The following CCDC138 variants were observed in gnomAD, a reference collection of about 807,000 sequenced individuals.
CCDC138 encodes coiled-coil domain containing 138.
A neutral mutation model predicts 82.3 loss-of-function variants in CCDC138; 66 were observed. The observed-to-expected ratio is 0.80, with a 90% CI of 0.66 to 0.98. The LOEUF is 0.98. CCDC138 is among the 50% of genes least tolerant of loss of function. CCDC138 has a pLI of 0.00. For synonymous variants in CCDC138, 297 were observed against 265.4 expected, an observed-to-expected ratio of 1.12 and a Z score of -1.16; for missense variants, 816 against 758.9, an observed-to-expected ratio of 1.08 and a Z score of -0.88.
intron 10 of CCDC138, among the ~76,000 whole-genome samples, chr2:108,828,547 A>G (rs1351835708): frequency 1.3e-5 from 2 of 152,250 alleles, no homozygotes; most frequent in Non-Finnish European, 2.9e-5. Flanking sequence ...ATAAGCCCTC[A>G]CATATAGTCC....
At position 108,804,976 on chromosome 2, in the gene CCDC138, T is replaced by C. The variant is rs779144736; in HGVS notation, c.823T>C (p.Leu275=). ...TKRLRSSFDA[L]KELNDTLKKQ... is the part of the protein sequence containing the mutation. Reference sequence around the variant, plus strand: ...GAGACTGAGGTCCTCTTTTGATGCATTGAAAGAATTGAATGATACCTTAAA... The same window carrying C: ...GAGACTGAGGTCCTCTTTTGATGCACTGAAAGAATTGAATGATACCTTAAA... Residue 275 remains leucine (L), a synonymous_variant, in exon 7 of 15, where the codon TTG becomes CTG. Transcript: ENST00000295124. 6.4e-7 allele frequency: 1 copy of C among 1,560,970 alleles called. No individual in the cohort carries two copies. Among genetic ancestry groups the C allele is most frequent in the Non-Finnish European group, 8.6e-7 (1 of 1,159,202 alleles).
intron 13 of CCDC138, among the ~76,000 whole-genome samples, chr2:108,857,955 G>T (rs373874574): frequency 1.3e-5 from 2 of 152,218 alleles, no homozygotes; most frequent in African/African-American, 4.8e-5. Context: ...CTGCTTGGGT[G>T]AAATAAATTG....
intron 12 of CCDC138, among the ~76,000 whole-genome samples, chr2:108,849,324 T>C (rs189481663): frequency 6.6e-6 from 1 of 152,320 alleles, no homozygotes; most frequent in Admixed American, 6.5e-5. Context: ...TTTTGAAATA[T>C]GGTGAAAACT....
intron 9 of CCDC138, among the ~76,000 whole-genome samples, chr2:108,813,464 A>G (rs1293929299): frequency 6.6e-6 from 1 of 152,182 alleles, no homozygotes; most frequent in Non-Finnish European, 1.5e-5. Flanking sequence ...ATATTTCAGC[A>G]GTGTTTCAGG....
intron 10 of CCDC138, 66 bp downstream of exon 10, chr2:108,816,171 C>A: frequency 1.6e-6 from 2 of 1,233,368 alleles, no homozygotes; most frequent in Non-Finnish European, 2.3e-6. Flanking sequence ...AAAGCCAGGG[C>A]CAGGCACAGT....
intron 13 of CCDC138, among the ~76,000 whole-genome samples, chr2:108,864,345 A>C (rs1172945792): frequency 1.3e-5 from 2 of 152,200 alleles, no homozygotes; most frequent in Non-Finnish European, 2.9e-5. Flanking sequence ...ATTTTTAACA[A>C]AATTGTATTT....
At chr2:108,869,283 A>C (rs535609300) in intron 13 of CCDC138, among the ~76,000 whole-genome samples, 27 of 152,304 alleles carry the variant, frequency 1.8e-4, no homozygotes, top group African/African-American at 6.5e-4. Flanking sequence ...ACATTCTGTG[A>C]TAATTTTACT....
intron 10 of CCDC138, among the ~76,000 whole-genome samples, chr2:108,831,041 G>A (rs1167692286): frequency 6.6e-5 from 10 of 152,010 alleles, no homozygotes; most frequent in Admixed American, 2.0e-4. Context: ...CAGGCATGGT[G>A]GTGCATAACT....
At chr2:108,874,508 C>T (rs536578608) in intron 14 of CCDC138, among the ~76,000 whole-genome samples, 2 of 152,134 alleles carry the variant, frequency 1.3e-5, no homozygotes, top group Admixed American at 1.3e-4. Context: ...ATAACAGTAA[C>T]ATTTTTATTT....
intron 9 of CCDC138, among the ~76,000 whole-genome samples, chr2:108,814,476 A>G (rs1315433442): frequency 3.9e-5 from 6 of 152,086 alleles, no homozygotes; most frequent in Admixed American, 2.0e-4. Context: ...GTTAGTTTCT[A>G]TTTGAAAAAA....
chr2:108,839,044 T>C (rs1371562636), intron 10 of CCDC138, 141 bp from the exon 11 acceptor site: 2 of 876,722 alleles, frequency 2.3e-6, no homozygotes, highest in Non-Finnish European at 3.3e-6. Flanking sequence ...TTGCATATAG[T>C]TTTAAAGTGA....
rs1348085169 is a variant in CCDC138 at position 108,843,878 on chromosome 2, G to C, written c.1324-2860G>C. 9.3e-4 allele frequency among the ~76,000 whole-genome samples: 41 copies of C among 44,206 alleles called. 12 individuals carry two copies. Among genetic ancestry groups the C allele is most frequent in the East Asian group, 2.1e-3 (2 of 938 alleles). 29.0% of individuals were successfully genotyped at this position (44,206 alleles called of 152,430 possible). A position where few individuals can be genotyped will look rare whatever the true frequency, so the allele number is the denominator to read the frequency against. On this transcript the variant is annotated intron_variant, in intron 11 of 14. Coordinates refer to ENST00000295124, the MANE Select transcript of CCDC138 (RefSeq NM_144978.3). ...TGTGTGTGTGTGTGTGTGTGTGTGT[G>C]TTTCTTTCTTTTTTTTTTTTTTTTT...
rs560937239 is a variant in CCDC138 at position 108,829,312 on chromosome 2, A to G, written c.1207-9873A>G. ...CAAAACCAAAAAGACCCTATTTTTA[A>G]AAAAGCAAGCAAAGAACCTAAATAG... On this transcript the variant is annotated intron_variant, in intron 10 of 14. Transcript: ENST00000295124. Among the ~76,000 whole-genome samples the G allele has an allele frequency of 4.6e-5, 7 of 152,344 alleles. No individual in the cohort carries two copies. In the South Asian group the frequency reaches 1.4e-3, roughly 32 times the overall value.
chr2:108,834,415 A>G (rs1040558415), intron 10 of CCDC138, among the ~76,000 whole-genome samples: 2 of 151,594 alleles, frequency 1.3e-5, no homozygotes, highest in African/African-American at 4.9e-5. Context: ...GGGTTTCACC[A>G]TGTTGGCCAG....
intron 11 of CCDC138, among the ~76,000 whole-genome samples, chr2:108,843,734 T>C (rs1365968503): frequency 6.7e-6 from 1 of 149,474 alleles, no homozygotes; most frequent in East Asian, 2.0e-4. Flanking sequence ...GTCTTGGTGT[T>C]GATCTCTTTA....
chr2:108,877,511 G>C (rs1162080154), downstream of CCDC138, among the ~76,000 whole-genome samples: 1 of 151,862 alleles, frequency 6.6e-6, no homozygotes, highest in Non-Finnish European at 1.5e-5. Context: ...AGAAGCCAAA[G>C]TGCACATTAG....
At chr2:108,823,470 A>G (rs193272151) in intron 10 of CCDC138, among the ~76,000 whole-genome samples, 2 of 152,332 alleles carry the variant, frequency 1.3e-5, no homozygotes, top group East Asian at 1.9e-4. Flanking sequence ...TTGTTAGGTG[A>G]CTTTTTGTGC....
intron 4 of CCDC138, 23 bp from the exon 5 acceptor site, chr2:108,794,517 T>A (rs756010546): frequency 6.3e-7 from 1 of 1,579,248 alleles, no homozygotes; most frequent in South Asian, 1.2e-5. Flanking sequence ...AAGTTTATAA[T>A]GCAAATGTTA....
intron 10 of CCDC138, among the ~76,000 whole-genome samples, chr2:108,833,797 G>A (rs1327745845): frequency 9.4e-5 from 14 of 148,814 alleles, no homozygotes; most frequent in East Asian, 5.9e-4. Context: ...GCGTGATCTC[G>A]GCTCACTGCA....
Sources: allele counts gnomAD v4.1 joint callset (sites outside exome capture counted in the v4.1 genomes callset), GRCh38; gene constraint gnomAD v4.1.1; transcripts MANE v1.5; gene names NCBI Gene and HGNC (gene_info 2026-07-23, HGNC 2026-07-21).